Variants in TSC22D1 observed in about 807,000 individuals in gnomAD.
The protein encoded by TSC22D1 is TSC22 domain family member 1, also known as TSC22 domain family protein 1.
In TSC22D1, 9 loss-of-function variants were observed where a neutral mutation model predicts 74.2. The ratio of observed to expected loss-of-function variants is 0.12; its 90% CI spans 0.07 to 0.21. The LOEUF (loss-of-function observed/expected upper bound fraction) is 0.21. TSC22D1 is among the 10% of genes least tolerant of loss of function. TSC22D1 has a pLI of 1.00. For synonymous variants in TSC22D1, 586 were observed against 492.5 expected (o/e 1.19, Z -2.51); for missense variants, 1,427 against 1,304.7 (o/e 1.09, Z -1.44).
intron 1 of TSC22D1, among the ~76,000 whole-genome samples, chr13:44,509,950 C>CAAAAAAAAAAAAAAAAAAAAAAAAAA: frequency 9.7e-5 from 5 of 51,422 alleles, no homozygotes; most frequent in Admixed American, 2.7e-4. Flanking sequence ...AGAAAATAAG[C>CAAAAAAAAAAAAAAAAAAAAAAAAAA]AAAAAAAAAA....
intron 1 of TSC22D1, among the ~76,000 whole-genome samples, chr13:44,514,396 C>G (rs950666199): frequency 1.2e-4 from 18 of 151,690 alleles, no homozygotes; most frequent in African/African-American, 4.4e-4. Context: ...GCATGCCCCC[C>G]ACATCACACA....
intron 1 of TSC22D1, among the ~76,000 whole-genome samples, chr13:44,499,002 A>C (rs1329322566): frequency 6.6e-6 from 1 of 152,268 alleles, no homozygotes; most frequent in African/African-American, 2.4e-5. Context: ...ACTGCAGTCA[A>C]GGCAAAATCC....
chr13:44,486,465 C>T (rs1878431602), intron 1 of TSC22D1, among the ~76,000 whole-genome samples: 1 of 152,084 alleles, frequency 6.6e-6, no homozygotes, highest in African/African-American at 2.4e-5. Flanking sequence ...CTTACATGCA[C>T]TGAATATAGA....
intron 1 of TSC22D1, among the ~76,000 whole-genome samples, chr13:44,510,454 T>G (rs1879665136): frequency 1.3e-5 from 2 of 152,032 alleles, no homozygotes; most frequent in African/African-American, 4.8e-5. Flanking sequence ...GTGAATTAAC[T>G]CTAACGAAAT....
intron 1 of TSC22D1, among the ~76,000 whole-genome samples, chr13:44,546,599 C>G (rs1380118387): frequency 6.6e-6 from 1 of 152,004 alleles, no homozygotes; most frequent in Non-Finnish European, 1.5e-5. Context: ...GGATCCTGGA[C>G]CAGAAAAAGA....
At chr13:44,437,261 CT>C in intron 1 of TSC22D1, 2 of 985,520 alleles carry the variant, frequency 2.0e-6, no homozygotes, top group Non-Finnish European at 2.4e-6. Context: ...CCCGAACCGT[CT>C]GAGCTACTGG....
intron 1 of TSC22D1, among the ~76,000 whole-genome samples, chr13:44,520,461 G>A (rs1436446878): frequency 6.6e-6 from 1 of 152,186 alleles, no homozygotes; most frequent in African/African-American, 2.4e-5. Context: ...CTGAGTAGGG[G>A]AGGAATGGAG....
Position 44,573,880 on chromosome 13 carries a change from A to G in TSC22D1, c.2195T>C (p.Ile732Thr), listed in dbSNP as rs148315393. 2.4e-5 allele frequency: 38 copies of G among 1,614,218 alleles called. No individual in the cohort carries two copies. The highest frequency in any genetic ancestry group is 3.1e-5 in the Non-Finnish European group (37 of 1,180,030). Residue 732 changes from isoleucine to threonine, a missense_variant, in exon 1 of 3, where the codon ATT becomes ACT. Physicochemically the swap from Ile to Thr is moderately conservative, Grantham distance 89. Around this residue, in one of 3 missense-constraint regions of TSC22D1, gnomAD observed 1,343 missense variants for 1,191.5 expected, o/e 1.13. Transcript: ENST00000458659. ...AVPTGSQIAN[I>T]GQQANIPTAV... is the part of the protein sequence containing the mutation. ...AGTAGGTATGTTTGCTTGCTGACCA[A>G]TATTTGCAATCTGACTGCCAGTAGG...
chr13:44,554,321 A>T (rs576588450), intron 1 of TSC22D1, among the ~76,000 whole-genome samples: 2 of 152,250 alleles, frequency 1.3e-5, no homozygotes, highest in Non-Finnish European at 2.9e-5. Context: ...AACGTTCATT[A>T]AACTCTACCT....
At chr13:44,549,886 T>A (rs549399815) in intron 1 of TSC22D1, among the ~76,000 whole-genome samples, 1 of 151,766 alleles carries the variant, frequency 6.6e-6, no homozygotes, top group African/African-American at 2.4e-5. Flanking sequence ...TATACAGTAA[T>A]GAGGCTACAA....
In TSC22D1 at chr13:44,434,202, A is replaced by T; in HGVS notation, c.*424T>A. ...CTCCTTTCAAGTTCCTCCTGGGGGG[A>T]GGAGAGGAGAGAGGCGAGTCCAGTG... On this transcript the variant is annotated 3_prime_UTR_variant, in exon 3 of 3. Coordinates refer to ENST00000458659, the MANE Select transcript of TSC22D1 (RefSeq NM_183422.4). 6.9e-7 allele frequency: 1 copy of T among 1,447,686 alleles called. No individual in the cohort carries two copies. The highest frequency in any genetic ancestry group is 1.5e-5 in the South Asian group (1 of 68,196). The allele number at this position is 1,447,686 out of a possible 1,614,324, so 89.7% of individuals were successfully genotyped here.
At chr13:44,538,393 T>G in intron 1 of TSC22D1, 1 of 985,336 alleles carries the variant, frequency 1.0e-6, no homozygotes, top group Non-Finnish European at 1.2e-6. Flanking sequence ...TCACCCTTTA[T>G]TTACTAGTTA....
At chr13:44,489,840 C>G (rs1394498371) in intron 1 of TSC22D1, among the ~76,000 whole-genome samples, 1 of 152,100 alleles carries the variant, frequency 6.6e-6, no homozygotes, top group African/African-American at 2.4e-5. Flanking sequence ...TGAGGTACCA[C>G]TACACACCAC....
intron 1 of TSC22D1, among the ~76,000 whole-genome samples, chr13:44,485,799 T>C (rs1265086998): frequency 1.3e-5 from 2 of 152,036 alleles, no homozygotes; most frequent in African/African-American, 2.4e-5. Context: ...TATAAAATAC[T>C]GTCAAATTTG....
chr13:44,543,064 T>G (rs1378904943), intron 1 of TSC22D1, among the ~76,000 whole-genome samples: 2 of 152,190 alleles, frequency 1.3e-5, no homozygotes, highest in Non-Finnish European at 2.9e-5. Context: ...AACCTACCAG[T>G]ACATCAATGA....
At chr13:44,558,906 T>C (rs1882861385) in intron 1 of TSC22D1, among the ~76,000 whole-genome samples, 1 of 152,180 alleles carries the variant, frequency 6.6e-6, no homozygotes, top group African/African-American at 2.4e-5. Context: ...ATCTCCTCTT[T>C]CTGTACCACC....
intron 1 of TSC22D1, among the ~76,000 whole-genome samples, chr13:44,543,253 C>T (rs963372546): frequency 1.3e-5 from 2 of 151,960 alleles, no homozygotes; most frequent in Admixed American, 6.6e-5. Flanking sequence ...ATGAAATGAG[C>T]ATACACAGCT....
intron 1 of TSC22D1, among the ~76,000 whole-genome samples, chr13:44,455,832 G>C (rs1243680755): frequency 6.6e-6 from 1 of 152,118 alleles, no homozygotes. Context: ...TGAGAACCCA[G>C]TTTTAAATGC....
chr13:44,445,693 C>T (rs1875580194), intron 1 of TSC22D1, among the ~76,000 whole-genome samples: 1 of 151,808 alleles, frequency 6.6e-6, no homozygotes, highest in South Asian at 2.1e-4. Context: ...ACAAACAACC[C>T]ATTAAAAGAA....
Sources: allele counts gnomAD v4.1 joint callset (sites outside exome capture counted in the v4.1 genomes callset), GRCh38; gene constraint gnomAD v4.1.1; regional missense constraint gnomAD v4.1.1; transcripts MANE v1.5; gene names NCBI Gene and HGNC (gene_info 2026-07-23, HGNC 2026-07-21).